TRAPPC9: variants seen among roughly 807,000 people sequenced by gnomAD.
The protein encoded by TRAPPC9 is trafficking protein particle complex subunit 9.
TRAPPC9 carries 83 observed loss-of-function variants against 124.0 expected under a neutral mutation model. The ratio of observed to expected loss-of-function variants is 0.67; its 90% CI spans 0.56 to 0.80. The LOEUF (loss-of-function observed/expected upper bound fraction) is 0.80. TRAPPC9 is among the 30% of genes least tolerant of loss of function. The probability of loss-of-function intolerance (pLI) is 0.00; values close to 1 mark genes in which losing one functional copy is unlikely to be tolerated. For missense variants in TRAPPC9, 1,302 were observed against 1,508.3 expected (o/e 0.86, Z 2.27); for synonymous variants, 638 against 617.5 (o/e 1.03, Z -0.49).
intron 20 of TRAPPC9, among the ~76,000 whole-genome samples, chr8:139,893,919 C>T (rs985731810): frequency 2.0e-5 from 3 of 152,250 alleles, no homozygotes; most frequent in South Asian, 4.1e-4. Context: ...GCTCACAGAG[C>T]GGAACTCCTC....
intron 10 of TRAPPC9, among the ~76,000 whole-genome samples, chr8:140,301,928 G>A (rs978833051): frequency 6.6e-6 from 1 of 152,236 alleles, no homozygotes; most frequent in African/African-American, 2.4e-5. Flanking sequence ...AGCTGCCCTG[G>A]AGAGCCACCC....
intron 21 of TRAPPC9, among the ~76,000 whole-genome samples, chr8:139,861,866 G>A (rs1432706601): frequency 5.3e-5 from 8 of 151,952 alleles, no homozygotes; most frequent in South Asian, 2.1e-4. Context: ...GGTCTTCACC[G>A]AGAGCCTGGG....
chr8:140,085,546 C>T (rs1014646940), intron 17 of TRAPPC9, among the ~76,000 whole-genome samples: 5 of 152,300 alleles, frequency 3.3e-5, no homozygotes, highest in African/African-American at 4.8e-5. Context: ...TCAGGCAGCC[C>T]GGCCTAAGCT....
chr8:139,911,751 T>C (rs549858184), intron 19 of TRAPPC9, among the ~76,000 whole-genome samples: 4 of 151,232 alleles, frequency 2.6e-5, no homozygotes, highest in East Asian at 1.9e-4. Flanking sequence ...ATTGCATAGA[T>C]TGTGCTGTGG....
rs553468471 is a variant in TRAPPC9, at chr8:140,297,658, G to A, written c.1768+2811C>T. Reference sequence around the variant, plus strand: ...GATGGAGGCTGTGTCTGAGCCTCCAGAGGGCTTCCCCAGGGTCTGCGGGGC... The same window carrying A: ...GATGGAGGCTGTGTCTGAGCCTCCAAAGGGCTTCCCCAGGGTCTGCGGGGC... On this transcript the variant is annotated intron_variant, in intron 11 of 22. Coordinates refer to ENST00000438773, the MANE Select transcript of TRAPPC9 (RefSeq NM_001160372.4). Among the ~76,000 whole-genome samples, 241 of 152,368 alleles carry A rather than the reference G, an allele frequency of 1.6e-3. 1 individual carries two copies. Among genetic ancestry groups the A allele is most frequent in the African/African-American group, 5.7e-3 (238 of 41,582 alleles).
At chr8:140,059,257 G>A (rs1285577436) in intron 17 of TRAPPC9, among the ~76,000 whole-genome samples, 1 of 152,150 alleles carries the variant, frequency 6.6e-6, no homozygotes, top group Non-Finnish European at 1.5e-5. Context: ...CACCCAGCAT[G>A]CTTTGTTGAA....
chr8:139,797,597 C>T (rs1476899843), intron 21 of TRAPPC9, among the ~76,000 whole-genome samples: 2 of 152,142 alleles, frequency 1.3e-5, no homozygotes, highest in Non-Finnish European at 2.9e-5. Flanking sequence ...ACTTCTTGTG[C>T]CCTACCTAGG....
intron 17 of TRAPPC9, among the ~76,000 whole-genome samples, chr8:140,215,646 C>CG (rs2063173399): frequency 7.7e-6 from 1 of 129,086 alleles, no homozygotes; most frequent in African/African-American, 3.2e-5. Context: ...ACTCCATCTC[C>CG]GAAAAAAAAA....
At chr8:140,416,214 C>A (rs1202686774) in intron 5 of TRAPPC9, among the ~76,000 whole-genome samples, 1 of 152,094 alleles carries the variant, frequency 6.6e-6, no homozygotes, top group Non-Finnish European at 1.5e-5. Context: ...GACATTACTA[C>A]CAACCTTACA....
chr8:139,959,461 G>T (rs1389973177), intron 19 of TRAPPC9, among the ~76,000 whole-genome samples: 1 of 152,196 alleles, frequency 6.6e-6, no homozygotes, highest in Non-Finnish European at 1.5e-5. Flanking sequence ...GGAATGAGTT[G>T]CTTCTCGCCC....
chr8:139,980,131 G>A (rs1189676433), intron 19 of TRAPPC9, among the ~76,000 whole-genome samples: 1 of 151,924 alleles, frequency 6.6e-6, no homozygotes, highest in African/African-American at 2.4e-5. Context: ...TGCCCCCCCA[G>A]ACTTCTCTAA....
At chr8:140,354,296 G>A (rs2067675060) in intron 9 of TRAPPC9, among the ~76,000 whole-genome samples, 1 of 152,182 alleles carries the variant, frequency 6.6e-6, no homozygotes, top group Non-Finnish European at 1.5e-5. Flanking sequence ...CTGCTGGAAT[G>A]CCACAGAAGC....
intron 21 of TRAPPC9, among the ~76,000 whole-genome samples, chr8:139,852,167 G>A (rs1377153160): frequency 6.6e-6 from 1 of 152,202 alleles, no homozygotes; most frequent in Non-Finnish European, 1.5e-5. Flanking sequence ...CACAGATGAT[G>A]AGACTTGCTC....
intron 21 of TRAPPC9, among the ~76,000 whole-genome samples, chr8:139,835,409 C>T (rs1334228438): frequency 2.6e-5 from 4 of 152,282 alleles, no homozygotes; most frequent in East Asian, 1.9e-4. Context: ...GCATCCTCGC[C>T]GCCGTCCAGC....
intron 19 of TRAPPC9, among the ~76,000 whole-genome samples, chr8:139,950,098 C>G (rs533975066): frequency 6.6e-6 from 1 of 152,118 alleles, no homozygotes; most frequent in Admixed American, 6.5e-5. Flanking sequence ...CCCATGATGG[C>G]GAGGCGAGTG....
chr8:140,289,148 A>G (rs1217938715), intron 12 of TRAPPC9, among the ~76,000 whole-genome samples: 1 of 151,654 alleles, frequency 6.6e-6, no homozygotes, highest in Non-Finnish European at 1.5e-5. Flanking sequence ...ACATATATGT[A>G]GGCATATGGG....
At chr8:140,055,839 T>A (rs769992816) in intron 17 of TRAPPC9, among the ~76,000 whole-genome samples, 3 of 151,976 alleles carry the variant, frequency 2.0e-5, no homozygotes, top group African/African-American at 7.3e-5. Context: ...AAAATATCGA[T>A]GAACAAAATT....
intron 17 of TRAPPC9, among the ~76,000 whole-genome samples, chr8:140,073,115 G>A (rs1361926965): frequency 1.3e-5 from 2 of 152,276 alleles, no homozygotes; most frequent in East Asian, 3.9e-4. Context: ...ATGGAGCAAC[G>A]ATTTTATAAA....
intron 19 of TRAPPC9, among the ~76,000 whole-genome samples, chr8:139,944,189 C>CA (rs766063915): frequency 6.6e-6 from 1 of 152,114 alleles, no homozygotes; most frequent in Non-Finnish European, 1.5e-5. Flanking sequence ...AAGAAATTAT[C>CA]AACAGAAGTC....
Sources: allele counts gnomAD v4.1 joint callset (sites outside exome capture counted in the v4.1 genomes callset), GRCh38; gene constraint gnomAD v4.1.1; transcripts MANE v1.5; gene names NCBI Gene and HGNC (gene_info 2026-07-23, HGNC 2026-07-21).